Variants in RBMS3 observed in about 807,000 individuals in gnomAD.
The protein encoded by RBMS3 is RNA binding motif single stranded interacting protein 3, also known as RNA-binding motif, single-stranded-interacting protein 3.
In RBMS3, 27 loss-of-function variants were observed where a neutral mutation model predicts 66.8. The ratio of observed to expected loss-of-function variants is 0.40; its 90% confidence interval spans 0.30 to 0.56. The LOEUF (loss-of-function observed/expected upper bound fraction) is 0.56. Ranked by LOEUF, RBMS3 falls within the 20% of genes least tolerant of loss-of-function variation. The pLI is 0.40. For synonymous variants in RBMS3, 188 were observed against 183.0 expected, an observed-to-expected ratio of 1.03 and a Z score of -0.22; for missense variants, 513 against 549.5, an observed-to-expected ratio of 0.93 and a Z score of 0.66.
intron 10 of RBMS3, among the ~76,000 whole-genome samples, chr3:29,933,653 T>C (rs954363884): frequency 1.3e-4 from 20 of 152,290 alleles, no homozygotes; most frequent in African/African-American, 4.8e-4. Context: ...TTATTTTATT[T>C]TTTATTTATG....
intron 3 of RBMS3, among the ~76,000 whole-genome samples, chr3:29,544,221 G>A (rs1183424571): frequency 1.3e-5 from 2 of 152,086 alleles, no homozygotes; most frequent in Non-Finnish European, 2.9e-5. Flanking sequence ...ACTTTTGCTA[G>A]AGTTTAATAT....
intron 1 of RBMS3, among the ~76,000 whole-genome samples, chr3:29,349,177 C>T (rs1039039286): frequency 2.6e-5 from 4 of 151,488 alleles, no homozygotes; most frequent in African/African-American, 7.3e-5. Flanking sequence ...TTCTCCAGCT[C>T]TCTGCTCCCT....
Position 29,382,737 on chromosome 3 carries a change from G to A in RBMS3, c.76-52006G>A, listed in dbSNP as rs148524223. Among the ~76,000 whole-genome samples, 1,170 of 152,114 alleles carry A rather than the reference G, an allele frequency of 7.7e-3. 11 individuals carry two copies. Among genetic ancestry groups the A allele is most frequent in the South Asian group, 0.03 (143 of 4,822 alleles). ...GTGGCAATTCAGTATTTTATTTTTC[G>A]TTTATATCCCCTTTCTATACTACCA... On this transcript the variant is annotated intron_variant, in intron 1 of 14. Coordinates refer to ENST00000383767, the MANE Select transcript of RBMS3 (RefSeq NM_001003793.3).
At chr3:29,664,654 C>A (rs545294465) in intron 4 of RBMS3, among the ~76,000 whole-genome samples, 1 of 151,478 alleles carries the variant, frequency 6.6e-6, no homozygotes, top group Non-Finnish European at 1.5e-5. Context: ...GCCCAAACAC[C>A]AACCTGATAG....
chr3:29,442,973 A>G (rs2041681349), intron 2 of RBMS3, among the ~76,000 whole-genome samples: 1 of 152,084 alleles, frequency 6.6e-6, no homozygotes, highest in Non-Finnish European at 1.5e-5. Flanking sequence ...TATTACACAA[A>G]CAACATCAGC....
intron 1 of RBMS3, among the ~76,000 whole-genome samples, chr3:29,408,039 G>A (rs1022095919): frequency 4.6e-5 from 7 of 151,984 alleles, no homozygotes; most frequent in Admixed American, 2.0e-4. Flanking sequence ...TTGGGAGGCC[G>A]AGGTGGGCAG....
At chr3:29,298,626 CT>C (rs1212434185) in intron 1 of RBMS3, among the ~76,000 whole-genome samples, 5 of 150,908 alleles carry the variant, frequency 3.3e-5, no homozygotes, top group African/African-American at 1.2e-4. Flanking sequence ...TATTTGGTTT[CT>C]TTTTGCTTAC....
At chr3:29,473,838 G>C (rs1456234699) in intron 2 of RBMS3, among the ~76,000 whole-genome samples, 1 of 152,248 alleles carries the variant, frequency 6.6e-6, no homozygotes, top group Admixed American at 6.5e-5. Flanking sequence ...AAGTCCAGCT[G>C]TCCCGCAAGC....
chr3:29,410,122 A>C (rs1414201034), intron 1 of RBMS3, among the ~76,000 whole-genome samples: 1 of 152,212 alleles, frequency 6.6e-6, no homozygotes, highest in Non-Finnish European at 1.5e-5. Context: ...AAGGCATGGA[A>C]ATACTATTTT....
chr3:29,359,355 A>G (rs2037422127), intron 1 of RBMS3, among the ~76,000 whole-genome samples: 1 of 151,932 alleles, frequency 6.6e-6, no homozygotes, highest in South Asian at 2.1e-4. Context: ...ACGTTTATTG[A>G]TTTTCGTATG....
chr3:29,539,765 C>A (rs6762554), intron 3 of RBMS3, among the ~76,000 whole-genome samples: 7,325 of 152,158 alleles, frequency 0.048, 289 homozygotes, highest in African/African-American at 0.11. Context: ...TCAGGAGTAC[C>A]CCACATGCAC....
intron 1 of RBMS3, among the ~76,000 whole-genome samples, chr3:29,356,430 G>A (rs542965119): frequency 3.3e-5 from 5 of 152,032 alleles, no homozygotes; most frequent in African/African-American, 9.7e-5. Flanking sequence ...CAATTTATTG[G>A]GCCAAAGAAC....
chr3:29,389,170 TCCC>T (rs1397043242), intron 1 of RBMS3, among the ~76,000 whole-genome samples: 1 of 152,156 alleles, frequency 6.6e-6, no homozygotes, highest in African/African-American at 2.4e-5. Context: ...TGTCTTCTCT[TCCC>T]CTCTGATTGC....
chr3:29,474,764 G>A (rs1200800924), intron 2 of RBMS3, among the ~76,000 whole-genome samples: 1 of 152,164 alleles, frequency 6.6e-6, no homozygotes, highest in Non-Finnish European at 1.5e-5. Flanking sequence ...ATTTATAGAG[G>A]AGACCATTAA....
At chr3:29,446,856 T>C (rs978028171) in intron 2 of RBMS3, among the ~76,000 whole-genome samples, 2 of 151,624 alleles carry the variant, frequency 1.3e-5, no homozygotes, top group African/African-American at 4.8e-5. Flanking sequence ...GTGTGTTTTT[T>C]ACATAGCATA....
At chr3:29,561,602 G>A (rs562864984) in intron 3 of RBMS3, among the ~76,000 whole-genome samples, 32 of 152,050 alleles carry the variant, frequency 2.1e-4, no homozygotes, top group Non-Finnish European at 4.0e-4. Context: ...ACAGGCACAC[G>A]CCACCACACC....
intron 3 of RBMS3, among the ~76,000 whole-genome samples, chr3:29,507,660 A>G (rs2044236681): frequency 6.6e-6 from 1 of 152,130 alleles, no homozygotes; most frequent in South Asian, 2.1e-4. Flanking sequence ...ATTTTTCCAT[A>G]TGTGCAAAAA....
chr3:29,322,917 G>T (rs780323166), intron 1 of RBMS3, among the ~76,000 whole-genome samples: 1 of 152,096 alleles, frequency 6.6e-6, no homozygotes, highest in Non-Finnish European at 1.5e-5. Flanking sequence ...TGAAGATTAT[G>T]CTTTTGACCT....
chr3:29,820,188 C>CAAAAAAAAAAAAAAAAA (rs71091078), intron 6 of RBMS3, among the ~76,000 whole-genome samples: 4 of 69,830 alleles, frequency 5.7e-5, no homozygotes, highest in Non-Finnish European at 7.6e-5. Flanking sequence ...GACTTCTTCT[C>CAAAAAAAAAAAAAAAAA]AAAAAAAAAA....
Sources: allele counts gnomAD v4.1 joint callset (sites outside exome capture counted in the v4.1 genomes callset), GRCh38; gene constraint gnomAD v4.1.1; transcripts MANE v1.5; gene names NCBI Gene and HGNC (gene_info 2026-07-23, HGNC 2026-07-21).